Variants in AGMO observed in about 807,000 individuals in gnomAD.
AGMO encodes glyceryl-ether monooxygenase.
Under a neutral mutation model 60.2 loss-of-function variants are expected in AGMO, and 75 were observed. The observed-to-expected ratio is 1.25, with a 90% CI of 1.03 to 1.51. The LOEUF is 1.51. Among genes scored for constraint, AGMO ranks in the 40% most tolerant of loss-of-function variants. The pLI, the probability that AGMO is intolerant of heterozygous loss-of-function variation, is 0.00. For synonymous variants in AGMO, 261 were observed against 177.1 expected (o/e 1.47, Z -3.76); for missense variants, 763 against 525.5 (o/e 1.45, Z -4.42).
At chr7:15,235,323 G>T (rs1333493674) in intron 12 of AGMO, among the ~76,000 whole-genome samples, 1 of 151,992 alleles carries the variant, frequency 6.6e-6, no homozygotes, top group Non-Finnish European at 1.5e-5. Context: ...TTTGTCCCTA[G>T]AATTTTGCAA....
At chr7:15,403,889 A>G (rs1317243630) in intron 5 of AGMO, among the ~76,000 whole-genome samples, 2 of 151,964 alleles carry the variant, frequency 1.3e-5, no homozygotes, top group African/African-American at 2.4e-5. Flanking sequence ...TCTGCAGGGA[A>G]GGAAGAGAAA....
intron 12 of AGMO, among the ~76,000 whole-genome samples, chr7:15,218,125 G>T (rs980171949): frequency 6.6e-5 from 10 of 152,128 alleles, no homozygotes; most frequent in African/African-American, 2.2e-4. Context: ...TGCTGTAGAT[G>T]ATAAAAATGA....
chr7:15,322,517 AATAT>A (rs1330853560), intron 12 of AGMO, among the ~76,000 whole-genome samples: 21 of 74,876 alleles, frequency 2.8e-4, no homozygotes, highest in South Asian at 4.8e-4. Flanking sequence ...TATATATATA[AATAT>A]ATATAAATAT....
At chr7:15,445,555 A>G (rs563746273) in intron 3 of AGMO, among the ~76,000 whole-genome samples, 1 of 152,318 alleles carries the variant, frequency 6.6e-6, no homozygotes, top group Non-Finnish European at 1.5e-5. Flanking sequence ...AGCTTATCCC[A>G]TGATAAAATT....
At chr7:15,312,655 T>C (rs1276924505) in intron 12 of AGMO, among the ~76,000 whole-genome samples, 4 of 152,044 alleles carry the variant, frequency 2.6e-5, no homozygotes, top group African/African-American at 9.6e-5. Context: ...ACTGAAGAGT[T>C]TACTGCTATC....
intron 12 of AGMO, among the ~76,000 whole-genome samples, chr7:15,343,536 T>C (rs1330599000): frequency 1.3e-5 from 2 of 152,166 alleles, no homozygotes; most frequent in East Asian, 3.9e-4. Context: ...ATCTTAGTCT[T>C]TCAGGACTTA....
Position 15,242,704 on chromosome 7 carries a change from C to T in AGMO, c.1264-41345G>A, listed in dbSNP as rs535701798. Among the ~76,000 whole-genome samples, 11 of 152,222 alleles carry T rather than the reference C, an allele frequency of 7.2e-5. No individual in the cohort carries two copies. The South Asian group carries it at 2.3e-3, about 32-fold the overall frequency. ...AAATAGAGAAGGACCTAAATATTTA[C>T]ATGATTACCACTTTCCCCACTGCTG... On this transcript the variant is annotated intron_variant, in intron 12 of 12. Coordinates refer to ENST00000342526, the MANE Select transcript of AGMO (RefSeq NM_001004320.2).
At chr7:15,318,730 G>A (rs540580187) in intron 12 of AGMO, among the ~76,000 whole-genome samples, 23 of 151,898 alleles carry the variant, frequency 1.5e-4, no homozygotes, top group African/African-American at 4.6e-4. Flanking sequence ...TTAAAAATAC[G>A]GGCTAGAATT....
chr7:15,383,062 C>G (rs147263849), intron 10 of AGMO, among the ~76,000 whole-genome samples: 383 of 151,954 alleles, frequency 2.5e-3, no homozygotes, highest in African/African-American at 8.4e-3. Flanking sequence ...GTTGACCCTG[C>G]CCTCCCATTC....
At chr7:15,372,287 C>T (rs141594333) in intron 10 of AGMO, among the ~76,000 whole-genome samples, 13,919 of 151,880 alleles carry the variant, frequency 0.092, 698 homozygotes, top group Non-Finnish European at 0.12. Flanking sequence ...CCCGTCTCTA[C>T]TAAAAATACA....
chr7:15,316,092 A>G (rs2128534888), intron 12 of AGMO, among the ~76,000 whole-genome samples: 1 of 152,290 alleles, frequency 6.6e-6, no homozygotes, highest in South Asian at 2.1e-4. Flanking sequence ...GATAGCAAAG[A>G]TCATCAAAAT....
At chr7:15,293,743 G>A (rs1376724442) in intron 12 of AGMO, among the ~76,000 whole-genome samples, 1 of 152,096 alleles carries the variant, frequency 6.6e-6, no homozygotes, top group Admixed American at 6.5e-5. Flanking sequence ...GCAGTACTCG[G>A]CCTTTTTGCC....
intron 10 of AGMO, among the ~76,000 whole-genome samples, chr7:15,380,465 A>C (rs1783633017): frequency 6.6e-6 from 1 of 152,122 alleles, no homozygotes; most frequent in African/African-American, 2.4e-5. Flanking sequence ...GAGGTGAAAG[A>C]TCTCTAGAAG....
At chr7:15,219,094 C>T (rs1287571078) in intron 12 of AGMO, among the ~76,000 whole-genome samples, 1 of 152,080 alleles carries the variant, frequency 6.6e-6, no homozygotes, top group Non-Finnish European at 1.5e-5. Flanking sequence ...TACCTCCATG[C>T]ACTAATTATC....
intron 12 of AGMO, among the ~76,000 whole-genome samples, chr7:15,267,771 T>C (rs978211141): frequency 2.0e-5 from 3 of 151,920 alleles, no homozygotes; most frequent in Non-Finnish European, 4.4e-5. Context: ...AGGGAAAAAC[T>C]TGTAACAAAA....
At chr7:15,339,713 A>G (rs1238877631) in intron 12 of AGMO, among the ~76,000 whole-genome samples, 1 of 152,198 alleles carries the variant, frequency 6.6e-6, no homozygotes, top group East Asian at 1.9e-4. Context: ...AGGGACACCA[A>G]TATCCCTTTA....
chr7:15,500,185 C>T lies in AGMO; in HGVS notation c.409+44587G>A, dbSNP rs912048558. 4.0e-5 allele frequency among the ~76,000 whole-genome samples: 6 copies of T among 151,794 alleles called. No individual in the cohort carries two copies. The East Asian group carries it at 9.7e-4, about 24-fold the overall frequency. ...AAATTAAAAATAGTTAACAAATGAG[C>T]TTAACTGAATACCATGTTAATGACA... On this transcript the variant is annotated intron_variant, in intron 3 of 12. Transcript: ENST00000342526.
At chr7:15,136,321 T>TAAA in the AGMO span, among the ~76,000 whole-genome samples, 2 of 151,814 alleles carry the variant, frequency 1.3e-5, no homozygotes, top group African/African-American at 4.8e-5. Flanking sequence ...TGTCACATTG[T>TAAA]AAAAAAGGGC....
intron 3 of AGMO, among the ~76,000 whole-genome samples, chr7:15,471,877 A>C (rs1782457814): frequency 6.6e-6 from 1 of 151,836 alleles, no homozygotes. Context: ...CAAATCTCTG[A>C]GGAGGAAAGA....
Sources: allele counts gnomAD v4.1 joint callset (sites outside exome capture counted in the v4.1 genomes callset), GRCh38; gene constraint gnomAD v4.1.1; transcripts MANE v1.5; gene names NCBI Gene and HGNC (gene_info 2026-07-23, HGNC 2026-07-21).